Variants in LRRTM1 observed in about 807,000 individuals in gnomAD.
The protein encoded by LRRTM1 is leucine rich repeat transmembrane neuronal 1.
In LRRTM1, 8 loss-of-function variants were observed where a neutral mutation model predicts 37.3. That is an observed-to-expected ratio of 0.21 (90% CI 0.13 to 0.39). LRRTM1 has a LOEUF of 0.39. LRRTM1 is among the 10% of genes least tolerant of loss of function. The pLI is 1.00. For missense variants in LRRTM1, 557 were observed against 691.0 expected, an observed-to-expected ratio of 0.81 and a Z score of 2.17; for synonymous variants, 326 against 316.8, an observed-to-expected ratio of 1.03 and a Z score of -0.31.
At chr2:80,289,247 T>A (rs775013654) in intron 2 of LRRTM1, 2 of 152,148 alleles carry the variant, frequency 1.3e-5, no homozygotes, top group Non-Finnish European at 2.9e-5. Context: ...GGCAGTCACC[T>A]GAGGCAAGTG....
chr2:80,300,281 G>GGTGTGT (rs70940079), downstream of LRRTM1, among the ~76,000 whole-genome samples: 643 of 93,124 alleles, frequency 6.9e-3, 4 homozygotes, highest in African/African-American at 0.013. Flanking sequence ...GGGGTGTTGG[G>GGTGTGT]GTGTGTGTGT....
intron 2 of LRRTM1, among the ~76,000 whole-genome samples, chr2:80,295,225 A>ATT (rs11371104): frequency 8.8e-4 from 130 of 147,092 alleles, no homozygotes; most frequent in Middle Eastern, 7.3e-3. Flanking sequence ...TCCTGAACAA[A>ATT]TTTTTTTTTT....
chr2:80,302,195 C>G lies in LRRTM1; in HGVS notation c.*56G>C. 3 of 1,567,598 alleles carry G rather than the reference C, an allele frequency of 1.9e-6. No individual in the cohort carries two copies. The highest frequency in any genetic ancestry group is 8.6e-7 in the Non-Finnish European group (1 of 1,156,442). ...GACCCCAGCCTGGTGCCCGCCGGCCCGTCCCGGCTGCCCAGGCGTATTTGG... is the reference window on the plus strand; with the variant it reads ...GACCCCAGCCTGGTGCCCGCCGGCCGGTCCCGGCTGCCCAGGCGTATTTGG... On this transcript the variant is annotated 3_prime_UTR_variant, in exon 2 of 2. Transcript: ENST00000295057. This position sits in a 1 kb window ranked among gnomAD's most constrained non-coding sequence, Gnocchi z 6.4.
At chr2:80,299,184 A>T (rs748054668), downstream of LRRTM1, 2 of 151,812 alleles carry the variant, frequency 1.3e-5, no homozygotes, top group African/African-American at 2.4e-5. Flanking sequence ...TGGGAAGAAT[A>T]AAAAAAAGGT....
Position 80,303,687 on chromosome 2 carries a change from A to G in LRRTM1, c.133T>C (p.Cys45Arg). The change falls in exon 2 of 2, where the codon TGC becomes CGC. Residue 45 changes from cysteine to arginine, a missense_variant. Cys to Arg is a radical substitution (Grantham distance 180). This residue lies in a region of LRRTM1 where 140 missense variants were observed against 138.1 expected (regional missense o/e 1.01). Coordinates refer to ENST00000295057, the MANE Select transcript of LRRTM1 (RefSeq NM_178839.5). This position sits in a 1 kb window ranked among gnomAD's most constrained non-coding sequence, Gnocchi z 7.7. ...TCGCAGTACAGCAGCCGCCCCTCGC[A>G]CCGGCACAGCTGCGGGCACCCGCTG... ...APSGCPQLCR[C>R]EGRLLYCEAL... is the part of the protein sequence containing the mutation. The G allele has an allele frequency of 6.2e-7, 1 of 1,610,720 alleles. No individual in the cohort carries two copies. Among genetic ancestry groups the G allele is most frequent in the Non-Finnish European group, 8.5e-7 (1 of 1,178,134 alleles).
chr2:80,293,774 G>C (rs574673726), intron 2 of LRRTM1, among the ~76,000 whole-genome samples: 2 of 152,184 alleles, frequency 1.3e-5, no homozygotes, highest in Non-Finnish European at 2.9e-5. Context: ...CAAATCTGCG[G>C]ATGCAGTGGA....
chr2:80,298,743 A>G (rs993331912), downstream of LRRTM1: 2 of 152,220 alleles, frequency 1.3e-5, no homozygotes, highest in Non-Finnish European at 2.9e-5. Flanking sequence ...ATATTTTTAA[A>G]TGGTTGAGAA....
Position 80,302,891 on chromosome 2 carries a change from G to A in LRRTM1, c.929C>T (p.Thr310Ile). ...GCAATCCCACAGGTTCCCGGCCAGG[G>A]TGATGCTTGTCAGGGACTTCCAAGA... ...LNSWKSLTSI[T>I]LAGNLWDCGR... The change falls in exon 2 of 2, where the codon ACC (threonine) becomes ATC (isoleucine). Residue 310 changes from threonine (T) to isoleucine (I), a missense_variant. Around this residue, in one of 5 missense-constraint regions of LRRTM1, gnomAD observed 200 missense variants for 249.9 expected, o/e 0.80. Transcript: ENST00000295057. This position sits in a 1 kb window ranked among gnomAD's most constrained non-coding sequence, Gnocchi z 6.4. The A allele has an allele frequency of 6.2e-7, 1 of 1,614,178 alleles. No individual in the cohort carries two copies. Among genetic ancestry groups the A allele is most frequent in the South Asian group, 1.1e-5 (1 of 91,078 alleles).
chr2:80,297,998 TG>T (rs1454967273), downstream of LRRTM1, among the ~76,000 whole-genome samples: 1 of 149,792 alleles, frequency 6.7e-6, no homozygotes, highest in African/African-American at 2.5e-5. Flanking sequence ...GTTATATATG[TG>T]TGTGTGTGTG....
In LRRTM1 at chr2:80,303,631, G is replaced by C. The variant is rs1370384755; in HGVS notation, c.189C>G (p.Asn63Lys). The change falls in exon 2 of 2, where the codon AAC becomes AAG. Residue 63 changes from asparagine (N) to lysine (K), a missense_variant. Around this residue, in one of 5 missense-constraint regions of LRRTM1, gnomAD observed 140 missense variants for 138.1 expected, o/e 1.01. Transcript: ENST00000295057. The surrounding 1 kb of genome is among the most constrained non-coding windows in gnomAD (Gnocchi z 7.7). ...EALNLTEAPH[N>K]LSGLLGLSLR... ...GGGACAAGCCCAGCAGGCCGGACAG[G>C]TTGTGGGGCGCCTCGGTGAGGTTGA... is the stretch of plus-strand genomic sequence containing the variant. 5 of 1,613,676 alleles carry C rather than the reference G, an allele frequency of 3.1e-6. No individual in the cohort carries two copies. Among genetic ancestry groups the C allele is most frequent in the Non-Finnish European group, 4.2e-6 (5 of 1,179,798 alleles).
At chr2:80,298,252 T>C (rs899187509), downstream of LRRTM1, 1 of 152,226 alleles carries the variant, frequency 6.6e-6, no homozygotes, top group Non-Finnish European at 1.5e-5. Context: ...TAATTCCTTT[T>C]TATTTGACAT....
In LRRTM1 at chr2:80,304,726, A is replaced by G. The variant is rs2149213592; in HGVS notation, c.-634T>C. The G allele has an allele frequency of 6.5e-6, 1 of 152,816 alleles. No individual in the cohort carries two copies. Among genetic ancestry groups the G allele is most frequent in the South Asian group, 1.8e-4 (1 of 5,662 alleles). The allele number at this position is 152,816 out of a possible 1,614,324, so 9.5% of individuals were successfully genotyped here. On this transcript the variant is annotated 5_prime_UTR_variant, in exon 1 of 2. Coordinates refer to ENST00000295057, the MANE Select transcript of LRRTM1 (RefSeq NM_178839.5). ...CAGGCAGTGTGCGGCGCGAGCTTGCACAGGCACCTACTGCTCACTGAGTGT... is the reference window on the plus strand; with the variant it reads ...CAGGCAGTGTGCGGCGCGAGCTTGCGCAGGCACCTACTGCTCACTGAGTGT...
intron 2 of LRRTM1, among the ~76,000 whole-genome samples, chr2:80,293,719 G>A (rs2149185169): frequency 6.6e-6 from 1 of 152,266 alleles, no homozygotes; most frequent in African/African-American, 2.4e-5. Flanking sequence ...CCACCGATCA[G>A]TGTCCTACTA....
intron 2 of LRRTM1, among the ~76,000 whole-genome samples, chr2:80,295,647 C>T (rs1675677401): frequency 1.3e-5 from 2 of 152,158 alleles, no homozygotes; most frequent in Admixed American, 1.3e-4. Context: ...TTAGGGAATA[C>T]CTAGAAGAAT....
At chr2:80,289,256 T>C (rs1675030858) in intron 2 of LRRTM1, 1 of 152,160 alleles carries the variant, frequency 6.6e-6, no homozygotes, top group Non-Finnish European at 1.5e-5. Flanking sequence ...CTGAGGCAAG[T>C]GTCAAAGCAT....
intron 2 of LRRTM1, among the ~76,000 whole-genome samples, chr2:80,289,758 C>T (rs1367183920): frequency 6.6e-6 from 1 of 152,132 alleles, no homozygotes. Context: ...GGCCACTTAG[C>T]CCACTTGGGT....
chr2:80,292,008 C>T (rs991373437), intron 2 of LRRTM1, among the ~76,000 whole-genome samples: 3 of 152,168 alleles, frequency 2.0e-5, no homozygotes, highest in Non-Finnish European at 4.4e-5. Context: ...GCCTCCATAT[C>T]CCTCTTTTAG....
intron 2 of LRRTM1, among the ~76,000 whole-genome samples, chr2:80,291,146 T>C (rs1171771616): frequency 1.3e-5 from 2 of 152,360 alleles, no homozygotes; most frequent in Admixed American, 6.5e-5. Flanking sequence ...TGACCAAAGA[T>C]AGTTTTTCCT....
At chr2:80,290,958 A>G (rs549806270) in intron 2 of LRRTM1, among the ~76,000 whole-genome samples, 7 of 152,334 alleles carry the variant, frequency 4.6e-5, no homozygotes, top group African/African-American at 1.7e-4. Context: ...CCCTGCTAGT[A>G]TAGATTCAAG....
Sources: gnomAD v4.1 joint callset for allele counts (sites outside exome capture counted in the v4.1 genomes callset) on GRCh38, gnomAD v4.1.1 for gene constraint, gnomAD v4.1.1 regional missense constraint, Gnocchi (gnomAD v3.1) non-coding constraint, MANE v1.5 for transcripts, NCBI Gene and HGNC (gene_info 2026-07-23, HGNC 2026-07-21) for gene names.